The following C6 variants were observed in gnomAD, a reference collection of about 807,000 sequenced individuals.
C6 encodes the protein complement component C6.
In C6, 101 loss-of-function variants were observed where a neutral mutation model predicts 112.9. The observed-to-expected ratio is 0.89, with a 90% confidence interval of 0.76 to 1.06. C6 has a LOEUF of 1.06. Among genes scored for constraint, C6 ranks in the 50% least tolerant of loss-of-function variants. C6 has a pLI of 0.00. For missense variants in C6, 1,202 were observed against 1,104.6 expected, an observed-to-expected ratio of 1.09 and a Z score of -1.25; for synonymous variants, 431 against 384.1, an observed-to-expected ratio of 1.12 and a Z score of -1.43.
chr5:41,257,883 T>C (rs1477965641), intron 1 of C6, among the ~76,000 whole-genome samples: 5 of 152,164 alleles, frequency 3.3e-5, no homozygotes, highest in Non-Finnish European at 5.9e-5. Flanking sequence ...CCCACCTACA[T>C]GTATGTATTT....
Position 41,204,670 on chromosome 5 carries a change from C to CTTTTT in C6, c.-20-1425_-20-1421dup, listed in dbSNP as rs1196116815. On this transcript the variant is annotated intron_variant, in intron 1 of 17. Transcript: ENST00000337836. ...AATAAATCAGTAAGCTTTTTTTTTTCTTTTTTTTTTTTTTTTTGAGATGGA... is the reference window on the plus strand; with the variant it reads ...AATAAATCAGTAAGCTTTTTTTTTTCTTTTTTTTTTTTTTTTTTTTTTGAGATGGA... 1.4e-3 allele frequency among the ~76,000 whole-genome samples: 137 copies of CTTTTT among 98,574 alleles called. 3 individuals carry two copies. Among genetic ancestry groups the CTTTTT allele is most frequent in the African/African-American group, 5.0e-3 (130 of 26,054 alleles). 64.7% of individuals were successfully genotyped at this position (98,574 alleles called of 152,430 possible). A position where few individuals can be genotyped will look rare whatever the true frequency, so the allele number is the denominator to read the frequency against.
At chr5:41,191,359 G>A (rs1750200954) in intron 5 of C6, among the ~76,000 whole-genome samples, 1 of 151,998 alleles carries the variant, frequency 6.6e-6, no homozygotes, top group South Asian at 2.1e-4. Flanking sequence ...AGCACTCCAG[G>A]CCTGTTCTTT....
intron 1 of C6, among the ~76,000 whole-genome samples, chr5:41,232,698 C>T (rs573464557): frequency 1.5e-4 from 23 of 151,876 alleles, no homozygotes; most frequent in African/African-American, 1.5e-4. Flanking sequence ...TGCTTCATTA[C>T]CCTCTCTTGA....
intron 17 of C6, among the ~76,000 whole-genome samples, chr5:41,148,029 T>C (rs560636885): frequency 8.5e-5 from 13 of 152,342 alleles, no homozygotes; most frequent in Admixed American, 2.0e-4. Flanking sequence ...AAAACATTTC[T>C]GGATAGGCAG....
At chr5:41,207,257 C>T (rs549340615) in intron 1 of C6, among the ~76,000 whole-genome samples, 5 of 152,188 alleles carry the variant, frequency 3.3e-5, no homozygotes, top group African/African-American at 1.2e-4. Flanking sequence ...AAACTGGTAC[C>T]AGCCACTGCA....
At chr5:41,212,246 C>T (rs1751989598) in intron 1 of C6, among the ~76,000 whole-genome samples, 1 of 152,154 alleles carries the variant, frequency 6.6e-6, no homozygotes, top group Non-Finnish European at 1.5e-5. Context: ...ACTATAAACT[C>T]AGCCTCCTGG....
intron 1 of C6, among the ~76,000 whole-genome samples, chr5:41,255,961 T>G (rs1237332275): frequency 6.6e-6 from 1 of 152,202 alleles, no homozygotes; most frequent in Non-Finnish European, 1.5e-5. Context: ...GGGGTTACAT[T>G]CCCAACTTTT....
intron 2 of C6, 66 bp from the exon 3 acceptor site, chr5:41,201,780 A>C (rs1751054262): frequency 7.3e-7 from 1 of 1,363,442 alleles, no homozygotes; most frequent in African/African-American, 1.4e-5. Flanking sequence ...TCCATAATCA[A>C]AGTATCATTG....
At chr5:41,249,645 A>G (rs1741223237) in intron 1 of C6, among the ~76,000 whole-genome samples, 1 of 152,222 alleles carries the variant, frequency 6.6e-6, no homozygotes, top group Non-Finnish European at 1.5e-5. Flanking sequence ...TCACAGCTCA[A>G]TCTATCATAC....
intron 9 of C6, among the ~76,000 whole-genome samples, chr5:41,169,805 C>CA (rs1232376627): frequency 1.3e-5 from 2 of 152,152 alleles, no homozygotes; most frequent in Non-Finnish European, 2.9e-5. Flanking sequence ...CACCTCCCAC[C>CA]AGACCCCTCC....
chr5:41,177,148 T>A (rs1363281856), intron 7 of C6, among the ~76,000 whole-genome samples: 1 of 152,222 alleles, frequency 6.6e-6, no homozygotes, highest in Admixed American at 6.5e-5. Context: ...AGATTCAAGT[T>A]ACAGCTTTGT....
intron 1 of C6, among the ~76,000 whole-genome samples, chr5:41,206,825 T>A (rs1300975805): frequency 2.6e-5 from 4 of 152,114 alleles, no homozygotes; most frequent in Non-Finnish European, 5.9e-5. Context: ...CAGGAGAACT[T>A]CCCCAACCTA....
At chr5:41,167,279 C>A (rs1436801141) in intron 9 of C6, among the ~76,000 whole-genome samples, 1 of 152,032 alleles carries the variant, frequency 6.6e-6, no homozygotes, top group Non-Finnish European at 1.5e-5. Flanking sequence ...AAAAAGAATT[C>A]TTGAGTCCTT....
intron 9 of C6, among the ~76,000 whole-genome samples, chr5:41,162,471 T>C (rs1014839692): frequency 6.6e-6 from 1 of 152,216 alleles, no homozygotes; most frequent in African/African-American, 2.4e-5. Context: ...GGTTAAGAGT[T>C]GGCACAATGT....
chr5:41,242,476 A>C (rs1365403344), intron 1 of C6, among the ~76,000 whole-genome samples: 1 of 152,184 alleles, frequency 6.6e-6, no homozygotes, highest in Non-Finnish European at 1.5e-5. Context: ...AGTCTTGGGC[A>C]GTTCTTTATA....
chr5:41,189,774 C>G lies in C6; in HGVS notation c.588-3566G>C, dbSNP rs530098421. ...CAATCTCTTCCTATCCTCCCCTTCCCCTACTCTTTCCAGTCTCTTGTAACC... is the reference window on the plus strand; with the variant it reads ...CAATCTCTTCCTATCCTCCCCTTCCGCTACTCTTTCCAGTCTCTTGTAACC... On this transcript the variant is annotated intron_variant, in intron 5 of 17. Coordinates refer to ENST00000337836, the MANE Select transcript of C6 (RefSeq NM_000065.5). Among the ~76,000 whole-genome samples the G allele has an allele frequency of 2.0e-5, 3 of 152,154 alleles. No homozygotes were observed. In the South Asian group the frequency reaches 6.2e-4, roughly 32 times the overall value.
At chr5:41,203,047 C>G (rs1334218564) in intron 2 of C6, 41 bp downstream of exon 2, 8 of 1,607,230 alleles carry the variant, frequency 5.0e-6, no homozygotes, top group Non-Finnish European at 6.8e-6. Context: ...ATCCTTGAGT[C>G]CTTCCAGGAC....
At chr5:41,182,218 T>C (rs1749409922) in intron 6 of C6, among the ~76,000 whole-genome samples, 1 of 151,908 alleles carries the variant, frequency 6.6e-6, no homozygotes, top group South Asian at 2.1e-4. Flanking sequence ...ATAAATGGTA[T>C]CTGTCACTTT....
chr5:41,187,699 T>TACACACACAC lies in C6; in HGVS notation c.588-1501_588-1492dup, dbSNP rs201227440. On this transcript the variant is annotated intron_variant, in intron 5 of 17. Coordinates refer to ENST00000337836, the MANE Select transcript of C6 (RefSeq NM_000065.5). ...ATGTAAAAGTACACAGACACACACA[T>TACACACACAC]ACACACACACACACACACACACACA... Among the ~76,000 whole-genome samples, 449 of 123,318 alleles carry TACACACACAC rather than the reference T, an allele frequency of 3.6e-3. 8 individuals carry two copies. Among genetic ancestry groups the TACACACACAC allele is most frequent in the African/African-American group, 5.7e-3 (188 of 32,830 alleles). The allele number at this position is 123,318 out of a possible 152,430, so 80.9% of individuals were successfully genotyped here.
Sources: gnomAD v4.1 joint callset for allele counts (sites outside exome capture counted in the v4.1 genomes callset) on GRCh38, gnomAD v4.1.1 for gene constraint, MANE v1.5 for transcripts, NCBI Gene and HGNC (gene_info 2026-07-23, HGNC 2026-07-21) for gene names.